Variants in RHOU observed in about 807,000 individuals in gnomAD.
RHOU encodes the protein ras homolog family member U, also known as rho-related GTP-binding protein RhoU.
In RHOU, 8 loss-of-function variants were observed where a neutral mutation model predicts 12.6. The ratio of observed to expected loss-of-function variants is 0.64; its 90% CI spans 0.37 to 1.15. The LOEUF (loss-of-function observed/expected upper bound fraction) is 1.15. RHOU is among the 50% of genes most tolerant of loss of function. The pLI is 0.01. For missense variants in RHOU, 258 were observed against 347.0 expected (o/e 0.74, Z 2.04); for synonymous variants, 161 against 147.4 (o/e 1.09, Z -0.67).
the RHOU span, among the ~76,000 whole-genome samples, chr1:228,685,669 CTG>C: frequency 6.6e-6 from 1 of 152,172 alleles, no homozygotes; most frequent in Admixed American, 6.5e-5. Context: ...CATGAAATGA[CTG>C]TATGTGAATA....
chr1:228,729,607 A>G, the RHOU span, among the ~76,000 whole-genome samples: 1 of 152,190 alleles, frequency 6.6e-6, no homozygotes. Flanking sequence ...CTTGAAAGGG[A>G]GCTGCCTTGG....
chr1:228,662,834 A>G, the RHOU span, among the ~76,000 whole-genome samples: 1 of 152,210 alleles, frequency 6.6e-6, no homozygotes, highest in Non-Finnish European at 1.5e-5. Flanking sequence ...TAGTCAAGAG[A>G]GAACAAGACA....
chr1:228,719,094 G>A, the RHOU span, among the ~76,000 whole-genome samples: 1 of 152,158 alleles, frequency 6.6e-6, no homozygotes. Flanking sequence ...AGGAGGAGTG[G>A]AGTATCCTGA....
At chr1:228,664,720 G>A in the RHOU span, among the ~76,000 whole-genome samples, 9 of 152,216 alleles carry the variant, frequency 5.9e-5, no homozygotes, top group South Asian at 1.7e-3. Context: ...TGCAACCTCC[G>A]TCTCCCAGGT....
At chr1:228,666,315 G>C in the RHOU span, among the ~76,000 whole-genome samples, 1 of 152,098 alleles carries the variant, frequency 6.6e-6, no homozygotes, top group East Asian at 1.9e-4. Context: ...ACAAATAGTT[G>C]TTGTACATAG....
the RHOU span, among the ~76,000 whole-genome samples, chr1:228,692,877 G>C: frequency 6.6e-6 from 1 of 152,002 alleles, no homozygotes; most frequent in Non-Finnish European, 1.5e-5. Flanking sequence ...TGATAAAGTT[G>C]TTACTAAAGA....
At chr1:228,709,098 A>G in the RHOU span, among the ~76,000 whole-genome samples, 1 of 152,178 alleles carries the variant, frequency 6.6e-6, no homozygotes, top group African/African-American at 2.4e-5. Flanking sequence ...CAATTCAACA[A>G]GAAGAGCTAA....
rs1436944441 is a variant in RHOU, at chr1:228,735,849, C to T, written c.107C>T (p.Pro36Leu). The change falls in exon 1 of 3, where the codon CCG (proline) becomes CTG (leucine). Residue 36 changes from proline (P) to leucine (L), a missense_variant. Transcript: ENST00000366691. This position sits in a 1 kb window ranked among gnomAD's most constrained non-coding sequence, Gnocchi z 8.1. ...GGRGGRGPGEPGGRGRAGGAE... is the reference protein window; with the variant it reads ...GGRGGRGPGELGGRGRAGGAE... ...CGCGGGGGACGCGGGCCTGGGGAGCCGGGGGGCCGGGGGCGTGCGGGGGGT... is the reference window on the plus strand; with the variant it reads ...CGCGGGGGACGCGGGCCTGGGGAGCTGGGGGGCCGGGGGCGTGCGGGGGGT... 12 of 1,272,902 alleles carry T rather than the reference C, an allele frequency of 9.4e-6. No individual in the cohort carries two copies. Among genetic ancestry groups the T allele is most frequent in the Non-Finnish European group, 1.1e-5 (11 of 998,178 alleles). 78.9% of individuals were successfully genotyped at this position (1,272,902 alleles called of 1,614,324 possible). A position where few individuals can be genotyped will look rare whatever the true frequency, so the allele number is the denominator to read the frequency against.
the RHOU span, among the ~76,000 whole-genome samples, chr1:228,698,418 T>C: frequency 6.6e-6 from 1 of 152,236 alleles, no homozygotes; most frequent in Non-Finnish European, 1.5e-5. Context: ...TATTTATCTA[T>C]GTGTAACCAG....
the RHOU span, among the ~76,000 whole-genome samples, chr1:228,688,520 A>G: frequency 6.6e-6 from 1 of 152,062 alleles, no homozygotes; most frequent in Non-Finnish European, 1.5e-5. Flanking sequence ...CCCTCCTTCC[A>G]TTCCTCCCAT....
At chr1:228,658,452 T>C in the RHOU span, among the ~76,000 whole-genome samples, 4 of 152,322 alleles carry the variant, frequency 2.6e-5, no homozygotes, top group South Asian at 8.3e-4. Context: ...TCCTCCGCTC[T>C]GAAAGATGCA....
At chr1:228,680,272 C>T in the RHOU span, among the ~76,000 whole-genome samples, 324 of 152,210 alleles carry the variant, frequency 2.1e-3, no homozygotes, top group African/African-American at 7.5e-3. Flanking sequence ...CCAGGGGCTT[C>T]AGGAGCAGCA....
chr1:228,693,758 T>G, the RHOU span, among the ~76,000 whole-genome samples: 2 of 152,074 alleles, frequency 1.3e-5, no homozygotes, highest in Non-Finnish European at 2.9e-5. Context: ...GAGCCACCGC[T>G]CCCGGCACCT....
At chr1:228,693,500 G>A in the RHOU span, among the ~76,000 whole-genome samples, 2 of 151,906 alleles carry the variant, frequency 1.3e-5, no homozygotes, top group African/African-American at 2.4e-5. Context: ...AGAGTCTCCC[G>A]CTATTGCCTA....
At chr1:228,692,443 C>T in the RHOU span, among the ~76,000 whole-genome samples, 1 of 152,174 alleles carries the variant, frequency 6.6e-6, no homozygotes, top group African/African-American at 2.4e-5. Flanking sequence ...AGAAGACCCT[C>T]TGCCTTGACA....
At chr1:228,662,961 C>T in the RHOU span, among the ~76,000 whole-genome samples, 2 of 152,316 alleles carry the variant, frequency 1.3e-5, no homozygotes, top group Middle Eastern at 3.4e-3. Flanking sequence ...CCCTCGGGAT[C>T]TGGCTGCTCT....
the RHOU span, among the ~76,000 whole-genome samples, chr1:228,698,089 C>A: frequency 1.2e-3 from 176 of 152,182 alleles, 1 homozygote; most frequent in East Asian, 4.8e-3. Flanking sequence ...AATATTTTGA[C>A]GTCTACAGTT....
the RHOU span, among the ~76,000 whole-genome samples, chr1:228,657,444 A>G: frequency 6.6e-6 from 1 of 152,208 alleles, no homozygotes; most frequent in Non-Finnish European, 1.5e-5. Context: ...AGAAGGGCAT[A>G]TATATTAATA....
the RHOU span, among the ~76,000 whole-genome samples, chr1:228,655,875 G>A: frequency 2.6e-5 from 4 of 152,170 alleles, no homozygotes; most frequent in Admixed American, 6.5e-5. Flanking sequence ...TCTCATACAA[G>A]TATGCCTAAT....
Sources: allele counts gnomAD v4.1 joint callset (sites outside exome capture counted in the v4.1 genomes callset), GRCh38; gene constraint gnomAD v4.1.1; non-coding constraint Gnocchi (gnomAD v3.1); transcripts MANE v1.5; gene names NCBI Gene and HGNC (gene_info 2026-07-23, HGNC 2026-07-21).